KLRF1: variants seen among roughly 807,000 people sequenced by gnomAD.
KLRF1 encodes the protein killer cell lectin-like receptor subfamily F member 1.
Under a neutral mutation model 30.7 loss-of-function variants are expected in KLRF1, and 27 were observed. That is an observed-to-expected ratio of 0.88 (90% CI 0.65 to 1.21). KLRF1 has a LOEUF of 1.21. KLRF1 is among the 50% of genes most tolerant of loss of function. KLRF1 has a pLI of 0.00. For synonymous variants in KLRF1, 92 were observed against 89.3 expected, an observed-to-expected ratio of 1.03 and a Z score of -0.17; for missense variants, 246 against 259.3, an observed-to-expected ratio of 0.95 and a Z score of 0.35.
At chr12:9,823,658 T>C (rs752587900), upstream of KLRF1, among the ~76,000 whole-genome samples, 2 of 151,652 alleles carry the variant, frequency 1.3e-5, no homozygotes, top group African/African-American at 4.8e-5. Flanking sequence ...CGGAAAGAGA[T>C]TGAGATACAA....
chr12:9,842,003 T>C, intron 4 of KLRF1, 52 bp downstream of exon 4: 2 of 1,503,744 alleles, frequency 1.3e-6, no homozygotes, highest in Non-Finnish European at 1.8e-6. Flanking sequence ...AAAATGGCTT[T>C]CCTCAAATAT....
chr12:9,821,310 A>C, the KLRF1 span, among the ~76,000 whole-genome samples: 1 of 152,110 alleles, frequency 6.6e-6, no homozygotes, highest in Admixed American at 6.5e-5. Context: ...CCCCAGGGGC[A>C]ACCAAAAGCC....
chr12:9,842,049 A>G (rs1047356001), intron 4 of KLRF1, 98 bp downstream of exon 4: 15 of 1,344,876 alleles, frequency 1.1e-5, no homozygotes, highest in South Asian at 1.4e-5. Context: ...ATTTACCTTG[A>G]TTATCGAGTT....
rs1201107186 is a variant in KLRF1 at position 9,844,539 on chromosome 12, T to G, written c.*13T>G. ...TTGTCAGTATTAGAGTTTGACAAAA[T>G]TCACAGTGAAATAATCAATGATCAC... On this transcript the variant is annotated 3_prime_UTR_variant, in exon 6 of 6. Transcript: ENST00000617889. 2 of 1,367,300 alleles carry G rather than the reference T, an allele frequency of 1.5e-6. No homozygotes were observed. Among genetic ancestry groups the G allele is most frequent in the Admixed American group, 3.5e-5 (2 of 57,824 alleles). 84.7% of individuals were successfully genotyped at this position (1,367,300 alleles called of 1,614,324 possible). A position where few individuals can be genotyped will look rare whatever the true frequency, so the allele number is the denominator to read the frequency against.
At chr12:9,820,510 C>A in the KLRF1 span, among the ~76,000 whole-genome samples, 1 of 152,286 alleles carries the variant, frequency 6.6e-6, no homozygotes, top group African/African-American at 2.4e-5. Context: ...GTCTTGCATC[C>A]CTCGCTCTGT....
the KLRF1 span, among the ~76,000 whole-genome samples, chr12:9,805,764 A>T: frequency 5.3e-5 from 8 of 151,998 alleles, no homozygotes; most frequent in South Asian, 2.1e-4. Flanking sequence ...TCTCAAAAAA[A>T]TTTTTTTGTT....
At chr12:9,842,505 T>A (rs1419961041) in intron 5 of KLRF1, 72 bp downstream of exon 5, 8 of 1,408,652 alleles carry the variant, frequency 5.7e-6, no homozygotes, top group African/African-American at 1.4e-5. Context: ...TTCACCAAAT[T>A]CAACTCTGAA....
At chr12:9,827,396 G>A, upstream of KLRF1, 2 of 414,352 alleles carry the variant, frequency 4.8e-6, no homozygotes, top group Non-Finnish European at 8.6e-6. Context: ...TCACAAATAA[G>A]TGAAACTGTG....
chr12:9,821,921 C>T, the KLRF1 span, among the ~76,000 whole-genome samples: 3 of 152,238 alleles, frequency 2.0e-5, no homozygotes, highest in Non-Finnish European at 2.9e-5. Flanking sequence ...ACATACCACC[C>T]ACTCCACTAT....
the KLRF1 span, among the ~76,000 whole-genome samples, chr12:9,815,656 G>A: frequency 6.6e-6 from 1 of 152,176 alleles, no homozygotes; most frequent in Admixed American, 6.5e-5. Flanking sequence ...TGTTTCTTGG[G>A]TTGGCCTAGC....
the KLRF1 span, among the ~76,000 whole-genome samples, chr12:9,820,955 G>C: frequency 2.6e-5 from 4 of 152,112 alleles, no homozygotes; most frequent in African/African-American, 9.7e-5. Context: ...ACCACAGAAT[G>C]GTTGCCCCAT....
chr12:9,833,819 ATTTTAAGCTTAGAC>A (rs1171918961), intron 3 of KLRF1, among the ~76,000 whole-genome samples: 1 of 151,202 alleles, frequency 6.6e-6, no homozygotes, highest in Non-Finnish European at 1.5e-5. Flanking sequence ...ATTCATTATG[ATTTTAAGCTTAGAC>A]TTTTAAGCTT....
chr12:9,843,423 C>T (rs1391033245), intron 5 of KLRF1, among the ~76,000 whole-genome samples: 3 of 152,084 alleles, frequency 2.0e-5, no homozygotes, highest in African/African-American at 7.2e-5. Flanking sequence ...TTATAGTAAC[C>T]AACTTAATGG....
the KLRF1 span, among the ~76,000 whole-genome samples, chr12:9,816,733 C>CTTTTT: frequency 7.5e-6 from 1 of 132,836 alleles, no homozygotes; most frequent in African/African-American, 2.8e-5. Context: ...GCATTCTCTT[C>CTTTTT]TTTTTTTTTT....
the KLRF1 span, among the ~76,000 whole-genome samples, chr12:9,813,338 C>T: frequency 1.3e-5 from 2 of 151,976 alleles, no homozygotes; most frequent in Non-Finnish European, 2.9e-5. Flanking sequence ...GACGGGGACT[C>T]TTTCTGTAGC....
chr12:9,803,325 G>A, the KLRF1 span, among the ~76,000 whole-genome samples: 16 of 152,214 alleles, frequency 1.1e-4, no homozygotes, highest in Non-Finnish European at 4.4e-5. Flanking sequence ...ATGGATTAGA[G>A]ACTTAAGTGT....
chr12:9,827,846 A>C (rs1263664417), intron 1 of KLRF1, among the ~76,000 whole-genome samples: 2 of 152,182 alleles, frequency 1.3e-5, no homozygotes, highest in Admixed American at 6.5e-5. Context: ...GGCACTATAC[A>C]GAATGTTTTA....
At chr12:9,812,996 G>C in the KLRF1 span, among the ~76,000 whole-genome samples, 1 of 152,172 alleles carries the variant, frequency 6.6e-6, no homozygotes, top group Non-Finnish European at 1.5e-5. Context: ...AACTTCCATG[G>C]GGGATGGGCC....
the KLRF1 span, among the ~76,000 whole-genome samples, chr12:9,815,303 C>T: frequency 6.6e-6 from 1 of 152,092 alleles, no homozygotes; most frequent in Non-Finnish European, 1.5e-5. Context: ...TCAATGAATT[C>T]AAAATTTATT....
Sources: allele counts gnomAD v4.1 joint callset (sites outside exome capture counted in the v4.1 genomes callset), GRCh38; gene constraint gnomAD v4.1.1; transcripts MANE v1.5; gene names NCBI Gene and HGNC (gene_info 2026-07-23, HGNC 2026-07-21).